The following CPA6 variants were observed in gnomAD, a reference collection of about 807,000 sequenced individuals.
CPA6 encodes carboxypeptidase A6.
Under a neutral mutation model 63.3 loss-of-function variants are expected in CPA6, and 58 were observed. The ratio of observed to expected loss-of-function variants is 0.92; its 90% CI spans 0.74 to 1.14. CPA6 has a LOEUF of 1.14. Ranked by LOEUF, CPA6 falls within the 50% of genes most tolerant of loss-of-function variation. CPA6 has a pLI of 0.00. For missense variants in CPA6, 565 were observed against 526.6 expected, an observed-to-expected ratio of 1.07 and a Z score of -0.71; for synonymous variants, 185 against 179.0, an observed-to-expected ratio of 1.03 and a Z score of -0.27.
intron 8 of CPA6, among the ~76,000 whole-genome samples, chr8:67,438,597 T>C (rs1810216049): frequency 6.6e-6 from 1 of 152,128 alleles, no homozygotes; most frequent in African/African-American, 2.4e-5. Context: ...CACAAAATAA[T>C]GAGTAACTCC....
intron 6 of CPA6, among the ~76,000 whole-genome samples, chr8:67,485,201 CTTAA>C (rs938757994): frequency 1.3e-5 from 2 of 152,288 alleles, no homozygotes; most frequent in African/African-American, 2.4e-5. Flanking sequence ...CTGCATGTCA[CTTAA>C]TTGTCTAATT....
intron 2 of CPA6, among the ~76,000 whole-genome samples, chr8:67,588,284 C>G (rs1454791582): frequency 6.6e-6 from 1 of 151,922 alleles, no homozygotes; most frequent in Non-Finnish European, 1.5e-5. Flanking sequence ...GGAAGTCAGT[C>G]GGTTACTGAT....
At chr8:67,687,791 C>T (rs975762204) in intron 1 of CPA6, among the ~76,000 whole-genome samples, 1 of 152,078 alleles carries the variant, frequency 6.6e-6, no homozygotes, top group East Asian at 1.9e-4. Flanking sequence ...ATAAGGATAG[C>T]AGCCGTCTCT....
At chr8:67,511,494 A>G in intron 4 of CPA6, 47 bp downstream of exon 4, 2 of 1,054,174 alleles carry the variant, frequency 1.9e-6, no homozygotes, top group Non-Finnish European at 3.0e-6. Context: ...CCTAAATGAT[A>G]AAGATGACTC....
intron 1 of CPA6, 61 bp from the exon 2 acceptor site, chr8:67,624,312 C>G: frequency 1.1e-6 from 1 of 877,442 alleles, no homozygotes; most frequent in Non-Finnish European, 1.8e-6. Context: ...TTAGTCATCT[C>G]TTTCTTACCT....
At chr8:67,468,535 G>A (rs758168499) in intron 8 of CPA6, among the ~76,000 whole-genome samples, 1 of 151,264 alleles carries the variant, frequency 6.6e-6, no homozygotes, top group Non-Finnish European at 1.5e-5. Context: ...GCAGTGATCC[G>A]AGATCGCGTC....
At chr8:67,733,597 T>C (rs930771323) in intron 1 of CPA6, among the ~76,000 whole-genome samples, 1 of 152,202 alleles carries the variant, frequency 6.6e-6, no homozygotes, top group Admixed American at 6.5e-5. Context: ...CATTAGAATG[T>C]AAACTTCACA....
At chr8:67,583,578 C>T (rs12548875) in intron 2 of CPA6, among the ~76,000 whole-genome samples, 89,428 of 151,864 alleles carry the variant, frequency 0.59, 28,983 homozygotes, top group African/African-American at 0.87. Flanking sequence ...TTATTAGTTA[C>T]AAAATTAAGT....
intron 1 of CPA6, among the ~76,000 whole-genome samples, chr8:67,671,594 G>A (rs1816345194): frequency 2.0e-5 from 3 of 152,246 alleles, no homozygotes; most frequent in African/African-American, 7.2e-5. Context: ...TGACTAAAGG[G>A]CTTGCTTTCC....
chr8:67,571,133 C>A (rs926924466), intron 2 of CPA6, among the ~76,000 whole-genome samples: 2 of 152,158 alleles, frequency 1.3e-5, no homozygotes, highest in African/African-American at 4.8e-5. Flanking sequence ...AAAAAGAGGT[C>A]ACTTCATCAA....
intron 1 of CPA6, among the ~76,000 whole-genome samples, chr8:67,673,384 A>ATT (rs1363731184): frequency 2.9e-5 from 3 of 103,488 alleles, no homozygotes; most frequent in African/African-American, 1.8e-4. Flanking sequence ...ATTATTATTT[A>ATT]TTTATTTTTT....
chr8:67,591,289 C>G (rs1814116362), intron 2 of CPA6, among the ~76,000 whole-genome samples: 1 of 151,956 alleles, frequency 6.6e-6, no homozygotes, highest in South Asian at 2.1e-4. Flanking sequence ...GTTACTGTAG[C>G]CTTGTAGTAT....
rs181027486 is a variant in CPA6 at position 67,569,456 on chromosome 8, A to G, written c.193-51409T>C. On this transcript the variant is annotated intron_variant, in intron 2 of 10. Transcript: ENST00000297770. Reference sequence around the variant, plus strand: ...ACAGAAACTGTCTCTGCTACGGAGCATAAGTAGCCAGAGCCACAGGCTAAG... The same window carrying G: ...ACAGAAACTGTCTCTGCTACGGAGCGTAAGTAGCCAGAGCCACAGGCTAAG... 7.8e-4 allele frequency: 201 copies of G among 258,700 alleles called. 1 individual carries two copies. Among genetic ancestry groups the G allele is most frequent in the Admixed American group, 2.1e-3 (51 of 23,750 alleles). The allele number at this position is 258,700 out of a possible 1,614,324, so 16.0% of individuals were successfully genotyped here.
chr8:67,537,217 G>A (rs2128970059), intron 2 of CPA6, among the ~76,000 whole-genome samples: 1 of 152,328 alleles, frequency 6.6e-6, no homozygotes, highest in East Asian at 1.9e-4. Flanking sequence ...CATAAAATGA[G>A]TTAGAGAGGA....
intron 2 of CPA6, among the ~76,000 whole-genome samples, chr8:67,524,845 A>C (rs1039715896): frequency 4.6e-5 from 7 of 152,094 alleles, no homozygotes; most frequent in African/African-American, 1.4e-4. Context: ...CTTACCATGG[A>C]ATTGACAAGG....
intron 2 of CPA6, among the ~76,000 whole-genome samples, chr8:67,593,154 T>C (rs1197161510): frequency 1.3e-5 from 2 of 150,982 alleles, no homozygotes; most frequent in Non-Finnish European, 2.9e-5. Flanking sequence ...CCAGTAGTCA[T>C]TCAGGAGCAG....
At chr8:67,628,871 C>A (rs1278410719) in intron 1 of CPA6, among the ~76,000 whole-genome samples, 1 of 152,156 alleles carries the variant, frequency 6.6e-6, no homozygotes, top group Non-Finnish European at 1.5e-5. Context: ...AATACCAGCA[C>A]TTTGGGAGGC....
chr8:67,640,170 C>G (rs1254524818), intron 1 of CPA6, among the ~76,000 whole-genome samples: 2 of 151,454 alleles, frequency 1.3e-5, no homozygotes, highest in Non-Finnish European at 2.9e-5. Context: ...GACTGGGAGC[C>G]TGGCCCCCAG....
At chr8:67,547,057 T>G (rs562399760) in intron 2 of CPA6, among the ~76,000 whole-genome samples, 1 of 152,314 alleles carries the variant, frequency 6.6e-6, no homozygotes, top group East Asian at 1.9e-4. Context: ...TTTATTTATT[T>G]TTTTTGTGAG....
Sources: gnomAD v4.1 joint callset for allele counts (sites outside exome capture counted in the v4.1 genomes callset) on GRCh38, gnomAD v4.1.1 for gene constraint, MANE v1.5 for transcripts, NCBI Gene and HGNC (gene_info 2026-07-23, HGNC 2026-07-21) for gene names.